The following USP15 variants were observed in gnomAD, a reference collection of about 807,000 sequenced individuals.
USP15 encodes ubiquitin carboxyl-terminal hydrolase 15.
In USP15, 18 loss-of-function variants were observed where a neutral mutation model predicts 127.1. The observed-to-expected ratio is 0.14, with a 90% CI of 0.10 to 0.21. The LOEUF is 0.21. Ranked by LOEUF, USP15 falls within the 10% of genes least tolerant of loss-of-function variation. The pLI is 1.00. For synonymous variants in USP15, 364 were observed against 393.7 expected (o/e 0.92, Z 0.89); for missense variants, 805 against 1,159.9 (o/e 0.69, Z 4.44).
chr12:62,303,261 A>G (rs2064369937), intron 3 of USP15: 1 of 159,222 alleles, frequency 6.3e-6, no homozygotes, highest in Non-Finnish European at 1.4e-5. Flanking sequence ...TCTGTGCTGC[A>G]CTGTTTTTGA....
chr12:62,397,099 T>C (rs1592733449), intron 20 of USP15, among the ~76,000 whole-genome samples: 2 of 152,216 alleles, frequency 1.3e-5, no homozygotes, highest in African/African-American at 4.8e-5. Flanking sequence ...ATTCCTTGGA[T>C]ATATCCTACT....
chr12:62,349,002 G>T (rs2065896769), intron 6 of USP15, among the ~76,000 whole-genome samples: 2 of 152,002 alleles, frequency 1.3e-5, no homozygotes, highest in Non-Finnish European at 2.9e-5. Flanking sequence ...TATTTAATTT[G>T]ATAAATTTTA....
intron 8 of USP15, among the ~76,000 whole-genome samples, chr12:62,367,804 G>C (rs1310158688): frequency 3.3e-5 from 5 of 151,794 alleles, no homozygotes; most frequent in South Asian, 2.1e-4. Context: ...TCGTGTCTCT[G>C]TCTCCTTCAG....
intron 20 of USP15, among the ~76,000 whole-genome samples, chr12:62,400,457 C>A (rs528293164): frequency 2.0e-5 from 3 of 151,918 alleles, no homozygotes; most frequent in Non-Finnish European, 4.4e-5. Context: ...GTACTCAGCA[C>A]GTGGCAAATT....
Position 62,404,231 on chromosome 12 carries a change from C to T in USP15, c.2802C>T (p.Asp934=), listed in dbSNP as rs762036901. ...AAYVLFYQRQ[D]TFSGTGFFPL... ...ATGTACTCTTCTACCAGAGACAAGACACTTTCAGTGGAACTGGCTTTTTTC... is the reference window on the plus strand; with the variant it reads ...ATGTACTCTTCTACCAGAGACAAGATACTTTCAGTGGAACTGGCTTTTTTC... The change falls in exon 22 of 22, where the codon GAC becomes GAT. Residue 934 remains aspartate, a synonymous_variant. Transcript: ENST00000280377. The T allele has an allele frequency of 1.2e-6, 2 of 1,613,140 alleles. No homozygotes were observed. Among genetic ancestry groups the T allele is most frequent in the Admixed American group, 1.7e-5 (1 of 59,978 alleles).
At chr12:62,295,269 C>T (rs1446997401) in intron 2 of USP15, among the ~76,000 whole-genome samples, 2 of 152,254 alleles carry the variant, frequency 1.3e-5, no homozygotes, top group East Asian at 1.9e-4. Context: ...GATTGGGAAT[C>T]GTTTGTGTTC....
At chr12:62,265,412 T>C (rs1021124923) in intron 1 of USP15, among the ~76,000 whole-genome samples, 7 of 152,218 alleles carry the variant, frequency 4.6e-5, no homozygotes, top group African/African-American at 1.7e-4. Context: ...ATCGGTGTTA[T>C]TCACATTTGA....
At chr12:62,332,186 T>G (rs1165026368) in intron 6 of USP15, among the ~76,000 whole-genome samples, 1 of 151,456 alleles carries the variant, frequency 6.6e-6, no homozygotes, top group Non-Finnish European at 1.5e-5. Flanking sequence ...AAAAAAAAAG[T>G]TTTCTAACTG....
At chr12:62,348,739 T>G (rs1472456351) in intron 6 of USP15, among the ~76,000 whole-genome samples, 1 of 152,184 alleles carries the variant, frequency 6.6e-6, no homozygotes, top group Non-Finnish European at 1.5e-5. Context: ...TATAGCATAT[T>G]GGGATTATGC....
intron 8 of USP15, among the ~76,000 whole-genome samples, chr12:62,369,465 G>GTT (rs34913772): frequency 0.08 from 11,902 of 148,156 alleles, 655 homozygotes; most frequent in East Asian, 0.24. Flanking sequence ...ATGCCAACTG[G>GTT]TTTTTTTTTT....
At chr12:62,327,197 C>T (rs1160671541) in intron 6 of USP15, among the ~76,000 whole-genome samples, 5 of 146,276 alleles carry the variant, frequency 3.4e-5, no homozygotes, top group Middle Eastern at 6.9e-3. Flanking sequence ...GTTTTCTATC[C>T]TTTTTTATCT....
At chr12:62,400,119 T>C (rs1431991651) in intron 20 of USP15, among the ~76,000 whole-genome samples, 1 of 152,208 alleles carries the variant, frequency 6.6e-6, no homozygotes, top group Non-Finnish European at 1.5e-5. Context: ...CATATAATTA[T>C]TTTGGAAACA....
intron 1 of USP15, among the ~76,000 whole-genome samples, chr12:62,290,898 G>A (rs1045637135): frequency 6.6e-6 from 1 of 151,986 alleles, no homozygotes; most frequent in Admixed American, 6.6e-5. Flanking sequence ...AAATTTTCAG[G>A]TTGACAGTTT....
At chr12:62,290,636 A>G (rs1006512051) in intron 1 of USP15, among the ~76,000 whole-genome samples, 9 of 152,164 alleles carry the variant, frequency 5.9e-5, no homozygotes, top group South Asian at 4.1e-4. Context: ...GTGAGGTTTT[A>G]TTCCTGTAGT....
chr12:62,369,629 C>T (rs985608025), intron 8 of USP15, among the ~76,000 whole-genome samples: 19 of 152,184 alleles, frequency 1.2e-4, no homozygotes, highest in African/African-American at 4.6e-4. Flanking sequence ...TTGGTGTATA[C>T]CACATAATGC....
At chr12:62,344,670 T>C (rs2065757636) in intron 6 of USP15, among the ~76,000 whole-genome samples, 1 of 152,212 alleles carries the variant, frequency 6.6e-6, no homozygotes, top group Non-Finnish European at 1.5e-5. Flanking sequence ...AGGTTCTCCA[T>C]GAGGACCCCG....
chr12:62,300,089 T>G (rs1032394582), intron 2 of USP15, among the ~76,000 whole-genome samples: 1 of 152,134 alleles, frequency 6.6e-6, no homozygotes, highest in East Asian at 1.9e-4. Context: ...AAATTTTTTC[T>G]TATTCTGTGG....
At chr12:62,355,610 ATAT>A in intron 8 of USP15, 135 bp downstream of exon 8, 3 of 994,444 alleles carry the variant, frequency 3.0e-6, no homozygotes, top group Non-Finnish European at 4.2e-6. Context: ...TTAAGCATAC[ATAT>A]TTGACTTATT....
intron 1 of USP15, among the ~76,000 whole-genome samples, chr12:62,286,599 A>G (rs1367242746): frequency 6.6e-6 from 1 of 152,208 alleles, no homozygotes; most frequent in Non-Finnish European, 1.5e-5. Flanking sequence ...TAGTAAAGAC[A>G]TGGAATCAAC....
Sources: allele counts gnomAD v4.1 joint callset (sites outside exome capture counted in the v4.1 genomes callset), GRCh38; gene constraint gnomAD v4.1.1; transcripts MANE v1.5; gene names NCBI Gene and HGNC (gene_info 2026-07-23, HGNC 2026-07-21).